Variants in SNX29 observed in about 807,000 individuals in gnomAD.
SNX29 encodes sorting nexin-29.
A neutral mutation model predicts 102.1 loss-of-function variants in SNX29; 78 were observed. The observed-to-expected ratio is 0.76, with a 90% CI of 0.64 to 0.92. The LOEUF (loss-of-function observed/expected upper bound fraction) is 0.92. Among genes scored for constraint, SNX29 ranks in the 40% least tolerant of loss-of-function variants. The pLI is 0.00. For missense variants in SNX29, 1,280 were observed against 1,061.7 expected, an observed-to-expected ratio of 1.21 and a Z score of -2.86; for synonymous variants, 580 against 414.5, an observed-to-expected ratio of 1.40 and a Z score of -4.85.
chr16:12,520,119 G>A (rs1028067664), intron 19 of SNX29, among the ~76,000 whole-genome samples: 7 of 152,254 alleles, frequency 4.6e-5, no homozygotes, highest in South Asian at 2.1e-4. Context: ...ACATTCTACC[G>A]AGTCCTGTGC....
chr16:12,138,895 A>T (rs2054761052), intron 13 of SNX29, among the ~76,000 whole-genome samples: 2 of 151,996 alleles, frequency 1.3e-5, no homozygotes. Flanking sequence ...TCTGTTTCTG[A>T]CTACAGGAAT....
Position 12,571,103 on chromosome 16 carries a change from T to TA in SNX29, c.*2474_*2475insA, listed in dbSNP as rs2079178225. 1 of 232,514 alleles carries TA rather than the reference T, an allele frequency of 4.3e-6. No homozygotes were observed. The highest frequency in any genetic ancestry group is 8.5e-6 in the Non-Finnish European group (1 of 117,642). 14.4% of individuals were successfully genotyped at this position (232,514 alleles called of 1,614,324 possible). A position where few individuals can be genotyped will look rare whatever the true frequency, so the allele number is the denominator to read the frequency against. ...CAGCAACTCCCCGAAGCCTTCCCTT[T>TA]GGAATCCCATAGAATGTTCTGCAAT... On this transcript the variant is annotated 3_prime_UTR_variant, in exon 21 of 21. Coordinates refer to ENST00000566228, the MANE Select transcript of SNX29 (RefSeq NM_032167.5).
At chr16:12,551,872 C>G (rs1020242671) in intron 20 of SNX29, among the ~76,000 whole-genome samples, 53 of 152,194 alleles carry the variant, frequency 3.5e-4, no homozygotes, top group African/African-American at 1.1e-3. Context: ...GGTGATATTT[C>G]TAGCCTGTCT....
rs1038539860 is a variant in SNX29 at position 12,096,414 on chromosome 16, G to C, written c.1402+17499G>C. ...GGGGATCCAGCTTGGCCATGCACAAGCTCTGTGTCACATGTTAAAATTTCC... is the reference window on the plus strand; with the variant it reads ...GGGGATCCAGCTTGGCCATGCACAACCTCTGTGTCACATGTTAAAATTTCC... On this transcript the variant is annotated intron_variant, in intron 11 of 20. Coordinates refer to ENST00000566228, the MANE Select transcript of SNX29 (RefSeq NM_032167.5). This position sits in a 1 kb window ranked among gnomAD's most constrained non-coding sequence, Gnocchi z 4.2. Among the ~76,000 whole-genome samples the C allele has an allele frequency of 6.6e-6, 1 of 152,216 alleles. No homozygotes were observed. The highest frequency in any genetic ancestry group is 1.5e-5 in the Non-Finnish European group (1 of 68,044).
chr16:12,548,316 C>G (rs1836872324), intron 20 of SNX29, among the ~76,000 whole-genome samples: 1 of 152,196 alleles, frequency 6.6e-6, no homozygotes, highest in Non-Finnish European at 1.5e-5. Context: ...GCCCTACTCT[C>G]CTGGCTTGGT....
chr16:12,509,952 G>C (rs1383535159), intron 19 of SNX29, among the ~76,000 whole-genome samples: 3 of 152,232 alleles, frequency 2.0e-5, no homozygotes, highest in African/African-American at 7.2e-5. Flanking sequence ...TTTCCTTCCA[G>C]AATATGTTGG....
chr16:12,088,196 A>T, intron 11 of SNX29: 1 of 446,698 alleles, frequency 2.2e-6, no homozygotes, highest in South Asian at 1.6e-5. Flanking sequence ...CTAGAGAGAG[A>T]CAGGAGAGGC....
chr16:11,986,688 C>A (rs1294741742), intron 1 of SNX29, among the ~76,000 whole-genome samples: 3 of 152,172 alleles, frequency 2.0e-5, no homozygotes, highest in African/African-American at 7.2e-5. Flanking sequence ...AAAAGACAGT[C>A]AATTCCATTT....
intron 15 of SNX29, among the ~76,000 whole-genome samples, chr16:12,325,227 A>C (rs1470476601): frequency 1.3e-5 from 2 of 152,178 alleles, no homozygotes; most frequent in African/African-American, 4.8e-5. Context: ...GACCCTCTGA[A>C]AGGCATTTTT....
intron 18 of SNX29, among the ~76,000 whole-genome samples, chr16:12,454,381 C>A (rs1468014996): frequency 6.6e-6 from 1 of 152,190 alleles, no homozygotes; most frequent in Non-Finnish European, 1.5e-5. Context: ...AGTGATTAGA[C>A]CCCAGCTATT....
At position 12,472,233 on chromosome 16, in the gene SNX29, G is replaced by GA. The variant is rs946553007; in HGVS notation, c.2038-5486_2038-5485insA. Among the ~76,000 whole-genome samples, 172 of 40,340 alleles carry GA rather than the reference G, an allele frequency of 4.3e-3. 1 individual carries two copies. The highest frequency in any genetic ancestry group is 4.5e-3 in the South Asian group (4 of 882). 26.5% of individuals were successfully genotyped at this position (40,340 alleles called of 152,430 possible). A position where few individuals can be genotyped will look rare whatever the true frequency, so the allele number is the denominator to read the frequency against. On this transcript the variant is annotated intron_variant, in intron 18 of 20. Transcript: ENST00000566228. ...TCCGTTTAGGTCAAGTTCAAAAACA[G>GA]GGGAAGGCTGGGGGTGGTGGCTCAC...
At chr16:12,201,948 A>G (rs1463727566) in intron 14 of SNX29, among the ~76,000 whole-genome samples, 1 of 152,184 alleles carries the variant, frequency 6.6e-6, no homozygotes, top group African/African-American at 2.4e-5. Context: ...TATGGAACCT[A>G]CAGTGTACAG....
At chr16:12,431,478 A>C (rs748802703) in intron 18 of SNX29, among the ~76,000 whole-genome samples, 143 of 143,604 alleles carry the variant, frequency 1.0e-3, no homozygotes, top group Non-Finnish European at 2.0e-3. Flanking sequence ...TTTGCATTGA[A>C]GTTATTGATC....
rs1010085342 is a variant in SNX29, at chr16:12,496,182, C to T, written c.2178+18323C>T. On this transcript the variant is annotated intron_variant, in intron 19 of 20. Coordinates refer to ENST00000566228, the MANE Select transcript of SNX29 (RefSeq NM_032167.5). ...AAAGGTCACACTCATTTGTAGGTGA[C>T]TATACTATGCAGTGTGAGCGCCCTA... Among the ~76,000 whole-genome samples the T allele has an allele frequency of 2.0e-5, 3 of 152,198 alleles. 1 individual carries two copies. The highest frequency in any genetic ancestry group is 2.0e-4 in the Admixed American group (3 of 15,276).
At chr16:12,003,642 T>C (rs2056364593) in intron 3 of SNX29, among the ~76,000 whole-genome samples, 1 of 152,208 alleles carries the variant, frequency 6.6e-6, no homozygotes, top group Non-Finnish European at 1.5e-5. Context: ...GTAAGAATAC[T>C]GGGAATATTG....
intron 16 of SNX29, among the ~76,000 whole-genome samples, chr16:12,386,687 A>T (rs1391385095): frequency 6.6e-6 from 1 of 152,180 alleles, no homozygotes; most frequent in Admixed American, 6.5e-5. Flanking sequence ...ACATGGATGC[A>T]TTTTTTTAAT....
chr16:12,481,469 C>T (rs1335578998), intron 19 of SNX29, among the ~76,000 whole-genome samples: 4 of 90,070 alleles, frequency 4.4e-5, no homozygotes, highest in South Asian at 5.7e-4. Context: ...TATATATACA[C>T]ATATATACAC....
At chr16:12,446,606 G>A (rs1026915971) in intron 18 of SNX29, among the ~76,000 whole-genome samples, 2 of 152,168 alleles carry the variant, frequency 1.3e-5, no homozygotes, top group African/African-American at 4.8e-5. Context: ...CGATGTTTTA[G>A]TTGGAAAGAG....
chr16:12,571,252 G>C lies in SNX29; in HGVS notation c.*2623G>C, dbSNP rs541809652. The C allele has an allele frequency of 1.7e-4, 39 of 232,168 alleles. No individual in the cohort carries two copies. The highest frequency in any genetic ancestry group is 2.9e-4 in the Non-Finnish European group (34 of 117,384). 14.4% of individuals were successfully genotyped at this position (232,168 alleles called of 1,614,324 possible). A position where few individuals can be genotyped will look rare whatever the true frequency, so the allele number is the denominator to read the frequency against. On this transcript the variant is annotated 3_prime_UTR_variant, in exon 21 of 21. Transcript: ENST00000566228. ...TGGAGTTATGGAGCAGAAACACCCA[G>C]GCCTAGCAGAATTGTGGCTGAAACC...
Sources: allele counts gnomAD v4.1 joint callset (sites outside exome capture counted in the v4.1 genomes callset), GRCh38; gene constraint gnomAD v4.1.1; non-coding constraint Gnocchi (gnomAD v3.1); transcripts MANE v1.5; gene names NCBI Gene and HGNC (gene_info 2026-07-23, HGNC 2026-07-21).